Variants in SNTB1 observed in about 807,000 individuals in gnomAD.
The protein encoded by SNTB1 is syntrophin beta 1, also known as beta-1-syntrophin.
SNTB1 carries 36 observed loss-of-function variants against 48.9 expected under a neutral mutation model. The ratio of observed to expected loss-of-function variants is 0.74; its 90% confidence interval spans 0.56 to 0.97. The LOEUF is 0.97. Ranked by LOEUF, SNTB1 falls within the 50% of genes least tolerant of loss-of-function variation. The pLI is 0.00. For missense variants in SNTB1, 786 were observed against 703.4 expected (o/e 1.12, Z -1.33); for synonymous variants, 299 against 294.6 (o/e 1.01, Z -0.15).
chr8:120,657,269 T>C (rs1358479262), intron 2 of SNTB1, among the ~76,000 whole-genome samples: 5 of 152,212 alleles, frequency 3.3e-5, no homozygotes, highest in African/African-American at 1.2e-4. Context: ...TTATCAGTAT[T>C]ATCTTGGCAG....
chr8:120,740,775 A>G (rs1819027973), intron 1 of SNTB1, among the ~76,000 whole-genome samples: 1 of 151,668 alleles, frequency 6.6e-6, no homozygotes, highest in Non-Finnish European at 1.5e-5. Flanking sequence ...TTTTTTAATC[A>G]CTTTTTGTTA....
intron 1 of SNTB1, among the ~76,000 whole-genome samples, chr8:120,754,675 A>G (rs533150982): frequency 7.2e-5 from 11 of 152,272 alleles, no homozygotes; most frequent in Admixed American, 2.6e-4. Flanking sequence ...CGAATGTGTA[A>G]TAAATGTTAC....
intron 1 of SNTB1, among the ~76,000 whole-genome samples, chr8:120,737,485 A>C (rs907290046): frequency 2.0e-5 from 3 of 152,228 alleles, no homozygotes; most frequent in Admixed American, 6.5e-5. Flanking sequence ...GAAGAAAAGT[A>C]ATTTGTGTCC....
chr8:120,678,389 CT>C (rs1431310269), intron 2 of SNTB1, among the ~76,000 whole-genome samples: 2 of 152,144 alleles, frequency 1.3e-5, no homozygotes, highest in Non-Finnish European at 2.9e-5. Context: ...ACCTTGGCCA[CT>C]TTCTGAGAAG....
chr8:120,607,618 A>T (rs1816546135), intron 3 of SNTB1, among the ~76,000 whole-genome samples: 1 of 152,220 alleles, frequency 6.6e-6, no homozygotes. Context: ...ACAGATACCT[A>T]AAAATGAAGG....
intron 1 of SNTB1, among the ~76,000 whole-genome samples, chr8:120,702,128 C>CTGAGTA (rs1224510328): frequency 6.6e-6 from 1 of 152,120 alleles, no homozygotes; most frequent in Admixed American, 6.6e-5. Context: ...AGGGAGGGCC[C>CTGAGTA]TGAGTATTGG....
intron 1 of SNTB1, among the ~76,000 whole-genome samples, chr8:120,795,921 C>A (rs1044331507): frequency 1.3e-5 from 2 of 151,942 alleles, no homozygotes; most frequent in East Asian, 3.9e-4. Flanking sequence ...TTTATAAAGC[C>A]ACCAGTCTTA....
At chr8:120,560,600 C>T (rs913808333) in intron 4 of SNTB1, among the ~76,000 whole-genome samples, 3 of 152,152 alleles carry the variant, frequency 2.0e-5, no homozygotes, top group South Asian at 4.1e-4. Flanking sequence ...CTATAAGAAA[C>T]GAACAACTTA....
rs1329127571 is a variant in SNTB1 at position 120,736,023 on chromosome 8, G to T, written c.572-42115C>A. Among the ~76,000 whole-genome samples, 4 of 152,266 alleles carry T rather than the reference G, an allele frequency of 2.6e-5. No individual in the cohort carries two copies. In the East Asian group the frequency reaches 7.7e-4, roughly 29 times the overall value. ...AGAGGTTTAATTGACTCACAGTTCA[G>T]CATGGCTGGAGAGGCCTCAGGAAAT... On this transcript the variant is annotated intron_variant, in intron 1 of 6. Coordinates refer to ENST00000517992, the MANE Select transcript of SNTB1 (RefSeq NM_021021.4).
chr8:120,594,040 G>T (rs1214398994), intron 3 of SNTB1, among the ~76,000 whole-genome samples: 1 of 151,252 alleles, frequency 6.6e-6, no homozygotes, highest in Admixed American at 6.6e-5. Flanking sequence ...CTTCTAAGGA[G>T]CTCAGTACAT....
intron 4 of SNTB1, among the ~76,000 whole-genome samples, chr8:120,552,684 C>T (rs1815501426): frequency 6.6e-6 from 1 of 152,068 alleles, no homozygotes; most frequent in Non-Finnish European, 1.5e-5. Flanking sequence ...TTTTTGGCAC[C>T]AGGGACTGGT....
chr8:120,802,831 C>T (rs552459185), intron 1 of SNTB1, among the ~76,000 whole-genome samples: 90 of 152,034 alleles, frequency 5.9e-4, no homozygotes, highest in Non-Finnish European at 1.2e-3. Flanking sequence ...AGTCCCTTTA[C>T]TCCTCAGAAC....
chr8:120,544,934 T>A (rs1815352322), intron 5 of SNTB1, among the ~76,000 whole-genome samples: 1 of 152,118 alleles, frequency 6.6e-6, no homozygotes, highest in Non-Finnish European at 1.5e-5. Context: ...GCACTGATTA[T>A]CTTGGATATG....
intron 1 of SNTB1, among the ~76,000 whole-genome samples, chr8:120,779,593 T>C (rs1326532893): frequency 1.3e-5 from 2 of 152,180 alleles, no homozygotes; most frequent in African/African-American, 4.8e-5. Flanking sequence ...AAGATATTGC[T>C]GTAATCTAGA....
chr8:120,752,110 G>A (rs1228751852), intron 1 of SNTB1, among the ~76,000 whole-genome samples: 2 of 152,104 alleles, frequency 1.3e-5, no homozygotes, highest in Non-Finnish European at 2.9e-5. Flanking sequence ...CAAATTGAGA[G>A]AGATAATTAG....
chr8:120,563,933 C>A (rs1014731390), intron 4 of SNTB1, among the ~76,000 whole-genome samples: 1 of 151,984 alleles, frequency 6.6e-6, no homozygotes, highest in Non-Finnish European at 1.5e-5. Context: ...ATGGTGAAAC[C>A]CCATTCTACT....
intron 1 of SNTB1, among the ~76,000 whole-genome samples, chr8:120,809,491 C>T (rs186448123): frequency 1.1e-3 from 166 of 152,170 alleles, no homozygotes; most frequent in Middle Eastern, 3.4e-3. Context: ...AAATTTCTTC[C>T]TCTTTTTGGG....
intron 2 of SNTB1, among the ~76,000 whole-genome samples, chr8:120,677,176 A>G (rs1817851640): frequency 6.6e-6 from 1 of 152,172 alleles, no homozygotes; most frequent in Non-Finnish European, 1.5e-5. Flanking sequence ...ATCCACAGAA[A>G]TATTTTGGTC....
intron 1 of SNTB1, among the ~76,000 whole-genome samples, chr8:120,780,762 T>C (rs1369336997): frequency 6.6e-6 from 1 of 152,178 alleles, no homozygotes; most frequent in Non-Finnish European, 1.5e-5. Flanking sequence ...ATGTTTAAAA[T>C]TGAAGAATAA....
Sources: allele counts gnomAD v4.1 joint callset (sites outside exome capture counted in the v4.1 genomes callset), GRCh38; gene constraint gnomAD v4.1.1; transcripts MANE v1.5; gene names NCBI Gene and HGNC (gene_info 2026-07-23, HGNC 2026-07-21).